Variants in KASH5 observed in about 807,000 individuals in gnomAD.
The protein encoded by KASH5 is protein KASH5.
Under a neutral mutation model 84.2 loss-of-function variants are expected in KASH5, and 72 were observed. The ratio of observed to expected loss-of-function variants is 0.85; its 90% confidence interval spans 0.71 to 1.04. KASH5 has a LOEUF of 1.04. KASH5 is among the 50% of genes least tolerant of loss of function. The probability of loss-of-function intolerance (pLI) is 0.00; values close to 1 mark genes in which losing one functional copy is unlikely to be tolerated. For synonymous variants in KASH5, 260 were observed against 279.1 expected (o/e 0.93, Z 0.68); for missense variants, 650 against 701.0 (o/e 0.93, Z 0.82).
At chr19:49,411,246 A>AT (rs55762534) in intron 15 of KASH5, among the ~76,000 whole-genome samples, 6,503 of 143,460 alleles carry the variant, frequency 0.045, 139 homozygotes, top group Middle Eastern at 0.061. Flanking sequence ...CTCTCTCTCT[A>AT]TTTTTTTTTT....
In KASH5 at chr19:49,395,656, C is replaced by A. The variant is rs1568610938; in HGVS notation, c.336-113C>A. Reference sequence around the variant, plus strand: ...GGCCTCACCCTCCTACCCTGTGGTGCCAGCTCTCACCTGACCCGGTCCCCT... The same window carrying A: ...GGCCTCACCCTCCTACCCTGTGGTGACAGCTCTCACCTGACCCGGTCCCCT... On this transcript the variant is annotated intron_variant, in intron 4 of 19. Coordinates refer to ENST00000447857, the MANE Select transcript of KASH5 (RefSeq NM_144688.5). The surrounding 1 kb of genome is among the most constrained non-coding windows in gnomAD (Gnocchi z 4.4). 9.5e-7 allele frequency: 1 copy of A among 1,057,768 alleles called. No homozygotes were observed. Among genetic ancestry groups the A allele is most frequent in the Non-Finnish European group, 1.4e-6 (1 of 714,412 alleles). 65.5% of individuals were successfully genotyped at this position (1,057,768 alleles called of 1,614,324 possible). A position where few individuals can be genotyped will look rare whatever the true frequency, so the allele number is the denominator to read the frequency against.
Position 49,412,819 on chromosome 19 carries a change from T to A in KASH5, c.1270-149T>A. Reference sequence around the variant, plus strand: ...GGCAGCACGAGAGGAGGGCAGGTTGTAGAAGGTGGTGAATTCATGTGTAGG... The same window carrying A: ...GGCAGCACGAGAGGAGGGCAGGTTGAAGAAGGTGGTGAATTCATGTGTAGG... On this transcript the variant is annotated intron_variant, in intron 15 of 19. Coordinates refer to ENST00000447857, the MANE Select transcript of KASH5 (RefSeq NM_144688.5). This position sits in a 1 kb window ranked among gnomAD's most constrained non-coding sequence, Gnocchi z 4.6. 1 of 685,872 alleles carries A rather than the reference T, an allele frequency of 1.5e-6. No homozygotes were observed. Among genetic ancestry groups the A allele is most frequent in the Non-Finnish European group, 2.5e-6 (1 of 398,670 alleles). 42.5% of individuals were successfully genotyped at this position (685,872 alleles called of 1,614,324 possible). A position where few individuals can be genotyped will look rare whatever the true frequency, so the allele number is the denominator to read the frequency against.
Position 49,395,953 on chromosome 19 carries a change from G to C in KASH5, c.400+120G>C. On this transcript the variant is annotated intron_variant, in intron 5 of 19. Transcript: ENST00000447857. The surrounding 1 kb of genome is among the most constrained non-coding windows in gnomAD (Gnocchi z 4.4). Reference sequence around the variant, plus strand: ...CCAGGGACCTTTACTGTAGACTAGAGCTGTGAGTGTGGCTTTCTAGGTCCT... The same window carrying C: ...CCAGGGACCTTTACTGTAGACTAGACCTGTGAGTGTGGCTTTCTAGGTCCT... 1 of 763,874 alleles carries C rather than the reference G, an allele frequency of 1.3e-6. No homozygotes were observed. The highest frequency in any genetic ancestry group is 2.2e-6 in the Non-Finnish European group (1 of 463,216). The allele number at this position is 763,874 out of a possible 1,614,324, so 47.3% of individuals were successfully genotyped here.
chr19:49,392,935 G>A lies in KASH5; in HGVS notation c.44-1541G>A, dbSNP rs564859859. ...TCAAAAAAAAAAAAAACAGTGAGAG[G>A]AGGAAAACAGACTGGGGCTAAAGCC... On this transcript the variant is annotated intron_variant, in intron 2 of 19. Coordinates refer to ENST00000447857, the MANE Select transcript of KASH5 (RefSeq NM_144688.5). Among the ~76,000 whole-genome samples, 4 of 151,418 alleles carry A rather than the reference G, an allele frequency of 2.6e-5. No individual in the cohort carries two copies. The East Asian group carries it at 7.8e-4, about 29-fold the overall frequency.
Position 49,417,260 on chromosome 19 carries a change from G to A in KASH5, c.1541G>A (p.Arg514Gln), listed in dbSNP as rs200258918. ...GGCCAGCTCTGCCTGCCCCCACAGC[G>A]GCTCAGGTGTGCCCCCAGGCGTCTC... The part of the protein sequence containing the change: ...AWGQLCLPPQ[R>Q]LRVTRHPLIP... The change falls in exon 19 of 20, where the codon CGG becomes CAG. Residue 514 changes from arginine (R) to glutamine (Q), a missense_variant. Arg to Gln is a conservative substitution (Grantham distance 43). Coordinates refer to ENST00000447857, the MANE Select transcript of KASH5 (RefSeq NM_144688.5). This position sits in a 1 kb window ranked among gnomAD's most constrained non-coding sequence, Gnocchi z 5.2. The A allele has an allele frequency of 1.2e-5, 19 of 1,612,172 alleles. No individual in the cohort carries two copies. The highest frequency in any genetic ancestry group is 1.7e-5 in the Admixed American group (1 of 59,796).
Position 49,388,281 on chromosome 19 carries a change from T to G in KASH5, c.-142T>G, listed in dbSNP as rs1484964609. ...CCTCCCCCAACTCAACTGCCGTTCG[T>G]CGTTCGTGGATGTCCGTTGTGTCCC... On this transcript the variant is annotated 5_prime_UTR_variant, in exon 1 of 20. Coordinates refer to ENST00000447857, the MANE Select transcript of KASH5 (RefSeq NM_144688.5). 1.3e-5 allele frequency: 2 copies of G among 152,266 alleles called. No homozygotes were observed. The highest frequency in any genetic ancestry group is 2.9e-5 in the Non-Finnish European group (2 of 68,088). 9.4% of individuals were successfully genotyped at this position (152,266 alleles called of 1,614,324 possible).
At chr19:49,411,243 TCTA>T (rs749493478) in intron 15 of KASH5, among the ~76,000 whole-genome samples, 7 of 151,548 alleles carry the variant, frequency 4.6e-5, no homozygotes, top group African/African-American at 1.7e-4. Flanking sequence ...GGGCTCTCTC[TCTA>T]TTTTTTTTTT....
In KASH5 at chr19:49,405,333, C is replaced by T. The variant is rs138317724; in HGVS notation, c.799-1553C>T. On this transcript the variant is annotated intron_variant, in intron 9 of 19. Transcript: ENST00000447857. Reference sequence around the variant, plus strand: ...TTAGCCAGGTGTGATGGCGTGTGCCCGTAATCCCAGCTACTCTGGAGACTG... The same window carrying T: ...TTAGCCAGGTGTGATGGCGTGTGCCTGTAATCCCAGCTACTCTGGAGACTG... 6.8e-3 allele frequency among the ~76,000 whole-genome samples: 1,029 copies of T among 151,460 alleles called. 18 individuals carry two copies. The highest frequency in any genetic ancestry group is 0.024 in the African/African-American group (987 of 41,252).
rs191554376 is a variant in KASH5, at chr19:49,405,951, C to T, written c.799-935C>T. 2.2e-4 allele frequency among the ~76,000 whole-genome samples: 26 copies of T among 120,868 alleles called. No individual in the cohort carries two copies. The East Asian group carries it at 4.7e-3, about 22-fold the overall frequency. 79.3% of individuals were successfully genotyped at this position (120,868 alleles called of 152,430 possible). The stretch of plus-strand genomic sequence containing the variant: ...AGCCTGGGCAACATGAGGGAAACTC[C>T]GTCTCAAAAAAAAAAAAAAAAAAAA... On this transcript the variant is annotated intron_variant, in intron 9 of 19. Coordinates refer to ENST00000447857, the MANE Select transcript of KASH5 (RefSeq NM_144688.5).
intron 15 of KASH5, among the ~76,000 whole-genome samples, chr19:49,411,967 GGAAGGAAA>G (rs1384458524): frequency 6.4e-5 from 8 of 124,684 alleles, no homozygotes; most frequent in East Asian, 2.2e-4. Context: ...AAGGAAGGAA[GGAAGGAAA>G]GAAGGAAGCC....
At chr19:49,406,204 A>G (rs1202527231) in intron 9 of KASH5, among the ~76,000 whole-genome samples, 5 of 152,050 alleles carry the variant, frequency 3.3e-5, no homozygotes, top group African/African-American at 1.2e-4. Flanking sequence ...TAATTATTGA[A>G]GCTGGGTGAT....
rs1332918547 is a variant in KASH5 at position 49,399,164 on chromosome 19, G to A, written c.747+22G>A. On this transcript the variant is annotated intron_variant, in intron 8 of 19. Transcript: ENST00000447857. The surrounding 1 kb of genome is among the most constrained non-coding windows in gnomAD (Gnocchi z 4.4). ...GGCGGTGGGTCTGGCCCAGGGGAAG[G>A]AAGGTGCCCTCTCTCTTCTTTGTTT... is the stretch of plus-strand genomic sequence containing the variant. The A allele has an allele frequency of 2.6e-6, 4 of 1,528,380 alleles. No homozygotes were observed. The highest frequency in any genetic ancestry group is 2.5e-5 in the East Asian group (1 of 40,748). 94.7% of individuals were successfully genotyped at this position (1,528,380 alleles called of 1,614,324 possible).
chr19:49,390,918 C>T lies in KASH5; in HGVS notation c.35C>T (p.Thr12Ile), dbSNP rs771951345. The T allele has an allele frequency of 2.5e-6, 4 of 1,604,868 alleles. No individual in the cohort carries two copies. In the Admixed American group the frequency reaches 6.9e-5, roughly 28 times the overall value. ...CCCGAGGGCCCGGTGGGTGGCCCCA[C>T]TGCGGAAAGTAAGTGGCTGGAACCC... ...DLPEGPVGGP[T>I]AEMYLRERPE... The change falls in exon 2 of 20, where the codon ACT becomes ATT. Residue 12 changes from threonine to isoleucine, a missense_variant. Thr to Ile is a moderately conservative substitution (Grantham distance 89). Coordinates refer to ENST00000447857, the MANE Select transcript of KASH5 (RefSeq NM_144688.5).
chr19:49,409,518 C>T (rs976603743), intron 14 of KASH5, among the ~76,000 whole-genome samples: 9 of 152,178 alleles, frequency 5.9e-5, no homozygotes, highest in African/African-American at 2.2e-4. Flanking sequence ...ACCCCTATCT[C>T]GTCTCCCTCC....
In KASH5 at chr19:49,412,937, CAG is replaced by C. The variant is rs761382689; in HGVS notation, c.1270-27_1270-26del. On this transcript the variant is annotated intron_variant, in intron 15 of 19. Coordinates refer to ENST00000447857, the MANE Select transcript of KASH5 (RefSeq NM_144688.5). The surrounding 1 kb of genome is among the most constrained non-coding windows in gnomAD (Gnocchi z 4.6). ...GGTTGGAGCTTTGAGTGAGAAGAAT[CAG>C]AGAAGAACTAACCTTTTTGTTTCCA... The C allele has an allele frequency of 1.2e-6, 2 of 1,611,414 alleles. No individual in the cohort carries two copies. The highest frequency in any genetic ancestry group is 1.1e-5 in the South Asian group (1 of 90,920).
At chr19:49,408,829 T>G in intron 12 of KASH5, 138 bp from the exon 13 acceptor site, 1 of 754,832 alleles carries the variant, frequency 1.3e-6, no homozygotes, top group African/African-American at 1.8e-5. Context: ...TTTCTTCCCC[T>G]TGTCCCTAGG....
chr19:49,417,210 G>C lies in KASH5; in HGVS notation c.1491G>C (p.Leu497=), dbSNP rs1422248337. 6.2e-7 allele frequency: 1 copy of C among 1,613,882 alleles called. No homozygotes were observed. Among genetic ancestry groups the C allele is most frequent in the South Asian group, 1.1e-5 (1 of 91,054 alleles). Residue 497 remains leucine, a synonymous_variant, in exon 19 of 20, where the codon CTG becomes CTC. Transcript: ENST00000447857. This position sits in a 1 kb window ranked among gnomAD's most constrained non-coding sequence, Gnocchi z 5.2. ...CCCTGGTGCCTGTGATGAAAAAGCT[G>C]GTCCCAGTCAGGAGGAGGGCCTGGG... is the stretch of plus-strand genomic sequence containing the variant. The part of the protein sequence containing the change: ...QQALVPVMKK[L]VPVRRRAWGQ...
chr19:49,394,032 C>G (rs1357306222), intron 2 of KASH5, among the ~76,000 whole-genome samples: 3 of 152,166 alleles, frequency 2.0e-5, no homozygotes, highest in African/African-American at 4.8e-5. Context: ...ACCGGAGATG[C>G]AGCAGGCGGG....
intron 1 of KASH5, 88 bp from the exon 2 acceptor site, chr19:49,390,701 C>G: frequency 3.4e-6 from 2 of 588,734 alleles, no homozygotes; most frequent in South Asian, 4.7e-5. Context: ...TTGTGAGGAC[C>G]CAGAGGTCCT....
Sources: gnomAD v4.1 joint callset for allele counts (sites outside exome capture counted in the v4.1 genomes callset) on GRCh38, gnomAD v4.1.1 for gene constraint, Gnocchi (gnomAD v3.1) non-coding constraint, MANE v1.5 for transcripts, NCBI Gene and HGNC (gene_info 2026-07-23, HGNC 2026-07-21) for gene names.